Variants in SHISA9 observed in about 807,000 individuals in gnomAD.
SHISA9 encodes the protein shisa family member 9.
In SHISA9, 13 loss-of-function variants were observed where a neutral mutation model predicts 38.0. That is an observed-to-expected ratio of 0.34 (90% confidence interval 0.22 to 0.54). The LOEUF (loss-of-function observed/expected upper bound fraction) is 0.54, where lower values mean the gene tolerates loss of function less well. Ranked by LOEUF, SHISA9 falls within the 20% of genes least tolerant of loss-of-function variation. SHISA9 has a pLI of 0.91. For missense variants in SHISA9, 538 were observed against 575.8 expected (o/e 0.93, Z 0.67); for synonymous variants, 275 against 242.0 (o/e 1.14, Z -1.27).
the SHISA9 span, among the ~76,000 whole-genome samples, chr16:13,408,466 T>C: frequency 6.6e-6 from 1 of 152,204 alleles, no homozygotes; most frequent in Non-Finnish European, 1.5e-5. Context: ...CATATGACAA[T>C]AATTTTGTAG....
chr16:13,421,139 C>T, the SHISA9 span, among the ~76,000 whole-genome samples: 2 of 152,212 alleles, frequency 1.3e-5, no homozygotes, highest in African/African-American at 4.8e-5. Context: ...CTTCATCCCT[C>T]AGGCCAGGTA....
chr16:12,908,245 A>G (rs1328767947), intron 1 of SHISA9, among the ~76,000 whole-genome samples: 2 of 152,134 alleles, frequency 1.3e-5, no homozygotes, highest in African/African-American at 4.8e-5. Flanking sequence ...TGCTATATTT[A>G]TTTAACTGTG....
intron 2 of SHISA9, among the ~76,000 whole-genome samples, chr16:13,181,265 TTTTA>T (rs1196807350): frequency 7.5e-4 from 69 of 91,608 alleles, no homozygotes; most frequent in African/African-American, 2.6e-3. Context: ...TAAAATAAAA[TTTTA>T]TATATATATA....
At chr16:13,480,490 G>A in the SHISA9 span, among the ~76,000 whole-genome samples, 4 of 152,138 alleles carry the variant, frequency 2.6e-5, no homozygotes, top group Admixed American at 2.6e-4. Flanking sequence ...CACCTTGCTG[G>A]TCACTCAGAA....
chr16:13,514,133 T>C, the SHISA9 span, among the ~76,000 whole-genome samples: 1 of 152,080 alleles, frequency 6.6e-6, no homozygotes, highest in South Asian at 2.1e-4. Context: ...TAGCTGGGAA[T>C]ACAGGCAGGC....
At chr16:12,951,221 CAAAAAAAAAA>C (rs71147772) in intron 2 of SHISA9, among the ~76,000 whole-genome samples, 2 of 11,962 alleles carry the variant, frequency 1.7e-4, no homozygotes, top group Non-Finnish European at 3.8e-4. Context: ...ACTCCTTCTC[CAAAAAAAAAA>C]AAAAAAAAAA....
chr16:13,093,438 A>G (rs1218628966), intron 2 of SHISA9, among the ~76,000 whole-genome samples: 1 of 152,220 alleles, frequency 6.6e-6, no homozygotes, highest in Non-Finnish European at 1.5e-5. Context: ...TGCATAATGC[A>G]CAAAGGGTCC....
At position 13,240,396 on chromosome 16, in the gene SHISA9, A is replaced by C. The variant is rs2051425379; in HGVS notation, c.*4987A>C. Reference sequence around the variant, plus strand: ...TATTAATATGAATTTCTTACCTGGCAATAAAACTGATTATATGTGAGGCTG... The same window carrying C: ...TATTAATATGAATTTCTTACCTGGCCATAAAACTGATTATATGTGAGGCTG... On this transcript the variant is annotated 3_prime_UTR_variant, in exon 5 of 5. Coordinates refer to ENST00000558583, the MANE Select transcript of SHISA9 (RefSeq NM_001145204.3). The C allele has an allele frequency of 1.3e-5, 2 of 152,234 alleles. No individual in the cohort carries two copies. The highest frequency in any genetic ancestry group is 4.8e-5 in the African/African-American group (2 of 41,462). The allele number at this position is 152,234 out of a possible 1,614,324, so 9.4% of individuals were successfully genotyped here. A position where few individuals can be genotyped will look rare whatever the true frequency, so the allele number is the denominator to read the frequency against.
chr16:13,354,065 A>G, the SHISA9 span, among the ~76,000 whole-genome samples: 648 of 147,756 alleles, frequency 4.4e-3, 8 homozygotes, highest in African/African-American at 0.015. Flanking sequence ...TATCTGACTC[A>G]GGGCATGTTG....
In SHISA9 at chr16:13,159,762, C is replaced by T. The variant is rs117582526; in HGVS notation, c.692-43632C>T. 3.0e-3 allele frequency among the ~76,000 whole-genome samples: 455 copies of T among 152,278 alleles called. 2 individuals carry two copies. Among genetic ancestry groups the T allele is most frequent in the Non-Finnish European group, 4.9e-3 (336 of 68,030 alleles). ...ACATCATTTGCCCATTCTCTAAGGC[C>T]GAGGTTCAAGTCCATGCCCTTGGGT... On this transcript the variant is annotated intron_variant, in intron 2 of 4. Transcript: ENST00000558583.
chr16:13,019,535 T>C (rs1180873972), intron 2 of SHISA9, among the ~76,000 whole-genome samples: 2 of 152,098 alleles, frequency 1.3e-5, no homozygotes, highest in African/African-American at 2.4e-5. Context: ...ATTTTAGCTA[T>C]TTTTAGGTGT....
chr16:13,168,258 A>G (rs2050655166), intron 2 of SHISA9, among the ~76,000 whole-genome samples: 1 of 152,238 alleles, frequency 6.6e-6, no homozygotes, highest in Non-Finnish European at 1.5e-5. Flanking sequence ...TAGCTCAGTT[A>G]GACAAGACCA....
At chr16:12,993,901 T>G (rs2072422666) in intron 2 of SHISA9, among the ~76,000 whole-genome samples, 1 of 151,406 alleles carries the variant, frequency 6.6e-6, no homozygotes, top group South Asian at 2.1e-4. Flanking sequence ...AGGGAATGGC[T>G]GGGGGACAGG....
chr16:13,376,956 C>T, the SHISA9 span, among the ~76,000 whole-genome samples: 2 of 152,192 alleles, frequency 1.3e-5, no homozygotes, highest in Non-Finnish European at 2.9e-5. Context: ...GCATTACAGG[C>T]ATAATCCATC....
At chr16:13,511,166 C>A in the SHISA9 span, among the ~76,000 whole-genome samples, 1 of 152,182 alleles carries the variant, frequency 6.6e-6, no homozygotes, top group Non-Finnish European at 1.5e-5. Context: ...CAAATAAAGT[C>A]ATTCATAAGT....
chr16:13,516,168 A>G, the SHISA9 span, among the ~76,000 whole-genome samples: 2 of 152,168 alleles, frequency 1.3e-5, no homozygotes, highest in African/African-American at 4.8e-5. Flanking sequence ...TAAACCACAG[A>G]GCTAATGGAG....
chr16:13,427,505 G>T, the SHISA9 span, among the ~76,000 whole-genome samples: 2 of 152,130 alleles, frequency 1.3e-5, no homozygotes, highest in Non-Finnish European at 2.9e-5. Flanking sequence ...CTAATTGGGA[G>T]GTGAAAGATT....
the SHISA9 span, among the ~76,000 whole-genome samples, chr16:13,505,780 G>A: frequency 6.6e-6 from 1 of 152,222 alleles, no homozygotes; most frequent in Non-Finnish European, 1.5e-5. Context: ...GATTGTTAAA[G>A]CTTGTCTTAA....
chr16:13,354,642 AG>A, the SHISA9 span, among the ~76,000 whole-genome samples: 20,098 of 150,124 alleles, frequency 0.13, 1,532 homozygotes, highest in Non-Finnish European at 0.18. Context: ...GTATTAAAGC[AG>A]CGGCAGCCGC....
Sources: allele counts gnomAD v4.1 joint callset (sites outside exome capture counted in the v4.1 genomes callset), GRCh38; gene constraint gnomAD v4.1.1; transcripts MANE v1.5; gene names NCBI Gene and HGNC (gene_info 2026-07-23, HGNC 2026-07-21).